Variants in CHD1L observed in about 807,000 individuals in gnomAD.
CHD1L encodes the protein chromodomain helicase DNA binding protein 1 like, also known as ATP-dependent chromatin remodeler CHD1L.
CHD1L carries 118 observed loss-of-function variants against 115.9 expected under a neutral mutation model. The ratio of observed to expected loss-of-function variants is 1.02; its 90% CI spans 0.88 to 1.19. CHD1L has a LOEUF of 1.19. Ranked by LOEUF, CHD1L falls within the 50% of genes most tolerant of loss-of-function variation. CHD1L has a pLI of 0.00. For synonymous variants in CHD1L, 411 were observed against 387.1 expected (o/e 1.06, Z -0.72); for missense variants, 1,179 against 1,065.3 (o/e 1.11, Z -1.49).
chr1:147,194,440 T>A, the CHD1L span, among the ~76,000 whole-genome samples: 2 of 152,270 alleles, frequency 1.3e-5, no homozygotes, highest in African/African-American at 2.4e-5. Context: ...CAGCACACTG[T>A]TGGGTCTTGA....
the CHD1L span, among the ~76,000 whole-genome samples, chr1:147,202,752 T>C: frequency 5.9e-5 from 9 of 152,220 alleles, no homozygotes; most frequent in Admixed American, 6.5e-5. Flanking sequence ...ACTAGGTCGA[T>C]TGTGTTCTGC....
In CHD1L at chr1:147,265,927, T is replaced by C. The variant is rs782153724; in HGVS notation, c.740-5T>C. ...ACACTTCTTGTATTTTTTTTTCTTA[T>C]GTAGCAAGTGAACTGCACAAACTCT... On this transcript the variant is annotated splice_polypyrimidine_tract_variant and splice_region_variant and intron_variant, in intron 7 of 22. Coordinates refer to ENST00000369258, the MANE Select transcript of CHD1L (RefSeq NM_004284.6). 1.1e-5 allele frequency: 18 copies of C among 1,603,972 alleles called. No individual in the cohort carries two copies. The highest frequency in any genetic ancestry group is 2.3e-5 in the South Asian group (2 of 88,538).
intron 15 of CHD1L, 30 bp from the exon 16 acceptor site, chr1:147,284,321 C>T (rs782487696): frequency 2.7e-6 from 4 of 1,509,348 alleles, no homozygotes; most frequent in African/African-American, 2.8e-5. Flanking sequence ...TGGTATCTAA[C>T]ATTTCTCTCT....
At chr1:147,234,224 G>C in the CHD1L span, among the ~76,000 whole-genome samples, 905 of 152,312 alleles carry the variant, frequency 5.9e-3, 4 homozygotes, top group Non-Finnish European at 9.4e-3. Context: ...AGAGCTCGGA[G>C]CCTTCGCAGC....
the CHD1L span, among the ~76,000 whole-genome samples, chr1:147,233,591 G>T: frequency 6.6e-6 from 1 of 152,318 alleles, no homozygotes; most frequent in African/African-American, 2.4e-5. Context: ...CCGTCTGGGA[G>T]GTGCACCCAA....
the CHD1L span, among the ~76,000 whole-genome samples, chr1:147,227,535 A>T: frequency 6.6e-6 from 1 of 152,212 alleles, no homozygotes. Context: ...AATGTTTTAA[A>T]CCTTGACTCA....
At chr1:147,179,448 T>A in the CHD1L span, 1 of 1,591,864 alleles carries the variant, frequency 6.3e-7, no homozygotes, top group East Asian at 2.2e-5. Flanking sequence ...CTTCTCCATA[T>A]GAAGTCAGAG....
intron 4 of CHD1L, among the ~76,000 whole-genome samples, chr1:147,256,137 G>T (rs1320630728): frequency 6.6e-6 from 1 of 152,156 alleles, no homozygotes; most frequent in African/African-American, 2.4e-5. Flanking sequence ...TTTCTTGGTG[G>T]ATCAAGGGGG....
rs1174245880 is a variant in CHD1L at position 147,287,679 on chromosome 1, G to C, written c.2266G>C (p.Glu756Gln). The change falls in exon 19 of 23, where the codon GAA (glutamate) becomes CAA (glutamine). Residue 756 changes from glutamate (E) to glutamine (Q), a missense_variant. Transcript: ENST00000369258. The part of the protein sequence containing the change: ...WGRGGLFTAL[E>Q]KRSAEPRKIY... ...CAGAGGTGGTTTATTTACAGCTCTG[G>C]AAAAGCGATCCGCTGAGCCAAGAAA... 1.2e-6 allele frequency: 2 copies of C among 1,614,072 alleles called. No individual in the cohort carries two copies. Among genetic ancestry groups the C allele is most frequent in the Non-Finnish European group, 1.7e-6 (2 of 1,179,996 alleles).
At chr1:147,193,947 T>A in the CHD1L span, among the ~76,000 whole-genome samples, 40 of 152,108 alleles carry the variant, frequency 2.6e-4, 1 homozygote, top group South Asian at 8.1e-3. Flanking sequence ...AATTTTGCAA[T>A]AGGTGTGGTG....
chr1:147,275,782 TAAAAA>T (rs1344302937), intron 13 of CHD1L, among the ~76,000 whole-genome samples: 1 of 139,392 alleles, frequency 7.2e-6, no homozygotes, highest in Admixed American at 7.1e-5. Context: ...GGAGCTAAGC[TAAAAA>T]AAAAAAAAAG....
At chr1:147,240,018 A>G (rs1392499495), upstream of CHD1L, among the ~76,000 whole-genome samples, 1 of 152,218 alleles carries the variant, frequency 6.6e-6, no homozygotes, top group Non-Finnish European at 1.5e-5. Context: ...GAAAACACCC[A>G]AGCAGGAAAG....
chr1:147,276,842 A>G (rs1356648506), intron 14 of CHD1L, among the ~76,000 whole-genome samples: 1 of 152,216 alleles, frequency 6.6e-6, no homozygotes, highest in East Asian at 1.9e-4. Context: ...ATTAAAACTC[A>G]TAATATTTCC....
chr1:147,267,319 G>A, intron 8 of CHD1L, 107 bp from the exon 9 acceptor site: 1 of 716,522 alleles, frequency 1.4e-6, no homozygotes, highest in Non-Finnish European at 2.3e-6. Context: ...AGGTTCAAAG[G>A]ATATAATTGA....
chr1:147,203,240 A>C, the CHD1L span: 2 of 1,127,736 alleles, frequency 1.8e-6, no homozygotes, highest in Non-Finnish European at 2.6e-6. Flanking sequence ...TACTACAAAT[A>C]CAGCCTTCAC....
intron 14 of CHD1L, among the ~76,000 whole-genome samples, chr1:147,279,362 T>C (rs1679891863): frequency 6.6e-6 from 1 of 152,160 alleles, no homozygotes; most frequent in African/African-American, 2.4e-5. Context: ...GCTTTCTGCA[T>C]GGTTCCTACA....
chr1:147,194,392 T>C, the CHD1L span, among the ~76,000 whole-genome samples: 1 of 152,190 alleles, frequency 6.6e-6, no homozygotes, highest in African/African-American at 2.4e-5. Context: ...ATTTTGAGCC[T>C]ATGTGTGTCT....
chr1:147,276,132 C>G lies in CHD1L; in HGVS notation c.1414C>G (p.Arg472Gly), dbSNP rs140890542. ...KSVKVIRLIG[R>G]DTVEEIVYRK... is the part of the protein sequence containing the mutation. ...TGTTAAAGTTATTCGGCTGATTGGT[C>G]GAGACACTGTGGAAGAAATAGTCTA... Residue 472 changes from arginine (R) to glycine (G), a missense_variant, in exon 14 of 23, where the codon CGA (arginine) becomes GGA (glycine). By Grantham distance (125) the Arg-to-Gly change is moderately radical. Coordinates refer to ENST00000369258, the MANE Select transcript of CHD1L (RefSeq NM_004284.6). 12 of 1,614,036 alleles carry G rather than the reference C, an allele frequency of 7.4e-6. No individual in the cohort carries two copies. Among genetic ancestry groups the G allele is most frequent in the Non-Finnish European group, 1.0e-5 (12 of 1,179,996 alleles).
intron 15 of CHD1L, among the ~76,000 whole-genome samples, chr1:147,280,875 A>G (rs899084358): frequency 2.6e-5 from 4 of 152,208 alleles, no homozygotes; most frequent in Non-Finnish European, 1.5e-5. Context: ...CAGAGATTCA[A>G]TATGGACTGG....
Sources: gnomAD v4.1 joint callset for allele counts (sites outside exome capture counted in the v4.1 genomes callset) on GRCh38, gnomAD v4.1.1 for gene constraint, MANE v1.5 for transcripts, NCBI Gene and HGNC (gene_info 2026-07-23, HGNC 2026-07-21) for gene names.